Variants in TOPAZ1 observed in about 807,000 individuals in gnomAD.
TOPAZ1 encodes testis and ovary specific TOPAZ 1.
In TOPAZ1, 66 loss-of-function variants were observed where a neutral mutation model predicts 172.2. The observed-to-expected ratio is 0.38, with a 90% confidence interval of 0.31 to 0.47. The LOEUF is 0.47. Among genes scored for constraint, TOPAZ1 ranks in the 20% least tolerant of loss-of-function variants. The probability of loss-of-function intolerance (pLI) is 0.99; values close to 1 mark genes in which losing one functional copy is unlikely to be tolerated. For missense variants in TOPAZ1, 1,822 were observed against 1,972.4 expected (o/e 0.92, Z 1.44); for synonymous variants, 681 against 683.9 (o/e 1.00, Z 0.07).
At position 44,306,381 on chromosome 3, in the gene TOPAZ1, A is replaced by G. The variant is rs1408880551; in HGVS notation, c.4095A>G (p.Gly1365=). The G allele has an allele frequency of 6.5e-7, 1 of 1,548,972 alleles. No homozygotes were observed. The highest frequency in any genetic ancestry group is 2.0e-5 in the Admixed American group (1 of 50,996). The part of the protein sequence containing the change: ...KVDKGVLGRI[G]ISAMYFYHKL... ...ATAAAGGTGTACTGGGAAGAATTGG[A>G]ATCAGTGCTATGTACTTCTATCACA... Residue 1365 remains glycine, a synonymous_variant, in exon 15 of 20, where the codon GGA becomes GGG. Transcript: ENST00000309765.
intron 8 of TOPAZ1, among the ~76,000 whole-genome samples, chr3:44,279,717 G>A (rs565415915): frequency 1.3e-5 from 2 of 152,118 alleles, no homozygotes; most frequent in African/African-American, 4.8e-5. Flanking sequence ...GGTGAGATGA[G>A]TTTCTGGTAA....
chr3:44,280,777 G>A (rs185490284), intron 8 of TOPAZ1, among the ~76,000 whole-genome samples: 1 of 152,330 alleles, frequency 6.6e-6, no homozygotes, highest in African/African-American at 2.4e-5. Flanking sequence ...ACTGCCATTG[G>A]CTCCCACCTT....
intron 8 of TOPAZ1, among the ~76,000 whole-genome samples, chr3:44,272,474 T>A (rs1699908946): frequency 6.6e-6 from 1 of 152,238 alleles, no homozygotes; most frequent in Non-Finnish European, 1.5e-5. Context: ...CTGAGGTTTA[T>A]AATTTGCATT....
intron 16 of TOPAZ1, among the ~76,000 whole-genome samples, chr3:44,310,455 C>T (rs922204827): frequency 2.1e-4 from 32 of 151,952 alleles, no homozygotes; most frequent in African/African-American, 7.7e-4. Flanking sequence ...GCCGAGATCG[C>T]GCAATTGCAG....
intron 6 of TOPAZ1, 130 bp from the exon 7 acceptor site, chr3:44,269,086 G>A: frequency 3.0e-6 from 2 of 665,330 alleles, no homozygotes; most frequent in South Asian, 1.7e-5. Flanking sequence ...TGGCAGCACA[G>A]TCTGTGAACT....
chr3:44,298,573 A>G (rs1432063651), intron 12 of TOPAZ1, among the ~76,000 whole-genome samples: 1 of 152,042 alleles, frequency 6.6e-6, no homozygotes, highest in South Asian at 2.1e-4. Context: ...GGAGAGAGAC[A>G]TAGGTCAAAG....
chr3:44,298,767 A>C (rs1700227348), intron 12 of TOPAZ1, among the ~76,000 whole-genome samples: 1 of 125,956 alleles, frequency 7.9e-6, no homozygotes, highest in African/African-American at 2.8e-5. Context: ...TTAATTCAAA[A>C]TGAATCATGA....
intron 4 of TOPAZ1, among the ~76,000 whole-genome samples, chr3:44,260,479 T>C (rs754381772): frequency 2.6e-5 from 4 of 152,090 alleles, no homozygotes; most frequent in Non-Finnish European, 5.9e-5. Context: ...CCCTTCCCCA[T>C]CTCAACATTT....
Position 44,256,297 on chromosome 3 carries a change from T to G in TOPAZ1, c.2955+19T>G. On this transcript the variant is annotated intron_variant, in intron 4 of 19. Transcript: ENST00000309765. ...TGAAAAGGTACTAGGGGATCTTTTG[T>G]GTTTTTTTATTTCTTGGTCTTAAAT... 6.6e-7 allele frequency: 1 copy of G among 1,507,712 alleles called. No individual in the cohort carries two copies. Among genetic ancestry groups the G allele is most frequent in the African/African-American group, 1.4e-5 (1 of 69,942 alleles). 93.4% of individuals were successfully genotyped at this position (1,507,712 alleles called of 1,614,324 possible). A position where few individuals can be genotyped will look rare whatever the true frequency, so the allele number is the denominator to read the frequency against.
chr3:44,245,974 A>C lies in TOPAZ1; in HGVS notation c.2765+703A>C, dbSNP rs189077134. Among the ~76,000 whole-genome samples the C allele has an allele frequency of 2.5e-3, 380 of 152,360 alleles. 3 individuals are homozygous for C. The highest frequency in any genetic ancestry group is 8.1e-3 in the South Asian group (39 of 4,826). ...TTACTTATTAAGATCAGTGCTATCT[A>C]TTTTAATCCATTTTCTATAGCCTCC... On this transcript the variant is annotated intron_variant, in intron 2 of 19. Transcript: ENST00000309765.
At chr3:44,276,124 T>C (rs903029911) in intron 8 of TOPAZ1, among the ~76,000 whole-genome samples, 1 of 152,218 alleles carries the variant, frequency 6.6e-6, no homozygotes, top group African/African-American at 2.4e-5. Flanking sequence ...ATGAATAGTT[T>C]GCAAATATTT....
At chr3:44,283,001 A>G (rs993294816) in intron 9 of TOPAZ1, among the ~76,000 whole-genome samples, 2 of 152,164 alleles carry the variant, frequency 1.3e-5, no homozygotes, top group African/African-American at 2.4e-5. Flanking sequence ...TTAGATATGG[A>G]TGAACTTTTA....
chr3:44,320,513 A>G (rs957856271), intron 16 of TOPAZ1, among the ~76,000 whole-genome samples: 9 of 152,064 alleles, frequency 5.9e-5, no homozygotes, highest in African/African-American at 2.2e-4. Context: ...CAGGAGAATC[A>G]CTTGAACCCG....
In TOPAZ1 at chr3:44,332,081, TAG is replaced by T. The variant is rs1700677754; in HGVS notation, c.*72_*73del. On this transcript the variant is annotated 3_prime_UTR_variant, in exon 20 of 20. Transcript: ENST00000309765. ...TGTTGAAAATAAAAGGCAATAAAAATAGACAGTTTTCACTATATTCAGCTCTT... is the reference window on the plus strand; with the variant it reads ...TGTTGAAAATAAAAGGCAATAAAAATACAGTTTTCACTATATTCAGCTCTT... 3.6e-6 allele frequency: 4 copies of T among 1,117,414 alleles called. No homozygotes were observed. The highest frequency in any genetic ancestry group is 2.5e-6 in the Non-Finnish European group (2 of 788,808). 69.2% of individuals were successfully genotyped at this position (1,117,414 alleles called of 1,614,324 possible).
intron 16 of TOPAZ1, among the ~76,000 whole-genome samples, chr3:44,315,573 T>C (rs1273327903): frequency 6.8e-6 from 1 of 147,790 alleles, no homozygotes; most frequent in African/African-American, 2.5e-5. Context: ...GGTTTCTCCA[T>C]GTTGGTCAGG....
At chr3:44,310,772 C>T (rs1700389590) in intron 16 of TOPAZ1, among the ~76,000 whole-genome samples, 1 of 152,292 alleles carries the variant, frequency 6.6e-6, no homozygotes, top group Admixed American at 6.5e-5. Context: ...TTGCAGTGTG[C>T]GTAAACTCTA....
At chr3:44,275,913 C>T (rs2125688646) in intron 8 of TOPAZ1, among the ~76,000 whole-genome samples, 1 of 151,956 alleles carries the variant, frequency 6.6e-6, no homozygotes, top group Admixed American at 6.5e-5. Flanking sequence ...TAAGATGATA[C>T]CTTACTGTGG....
chr3:44,310,012 C>T (rs1265742575), intron 16 of TOPAZ1, 22 bp downstream of exon 16: 1 of 1,524,422 alleles, frequency 6.6e-7, no homozygotes, highest in Non-Finnish European at 8.8e-7. Context: ...TATATGCAAG[C>T]ATAAAATAAT....
Position 44,244,917 on chromosome 3 carries a change from A to G in TOPAZ1, c.2411A>G (p.Glu804Gly). ...AAAGAAGTTGCTTCTCTCACAGTTG[A>G]AAATAATGCTTTTTCTTGTGATCCT... ...SNKEVASLTV[E>G]NNAFSCDPGY... Residue 804 changes from glutamate (E) to glycine (G), a missense_variant, in exon 2 of 20, where the codon GAA becomes GGA. Physicochemically the swap from Glu to Gly is moderately conservative, Grantham distance 98. Coordinates refer to ENST00000309765, the MANE Select transcript of TOPAZ1 (RefSeq NM_001145030.2). 6.4e-7 allele frequency: 1 copy of G among 1,551,750 alleles called. No homozygotes were observed. Among genetic ancestry groups the G allele is most frequent in the Non-Finnish European group, 8.7e-7 (1 of 1,147,014 alleles).
Sources: gnomAD v4.1 joint callset for allele counts (sites outside exome capture counted in the v4.1 genomes callset) on GRCh38, gnomAD v4.1.1 for gene constraint, MANE v1.5 for transcripts, NCBI Gene and HGNC (gene_info 2026-07-23, HGNC 2026-07-21) for gene names.